LRRFIP2: variants seen among roughly 807,000 people sequenced by gnomAD.
LRRFIP2 encodes the protein LRR binding FLII interacting protein 2, also known as leucine-rich repeat flightless-interacting protein 2.
A neutral mutation model predicts 125.9 loss-of-function variants in LRRFIP2; 109 were observed. That is an observed-to-expected ratio of 0.87 (90% CI 0.74 to 1.01). The LOEUF is 1.01. Among genes scored for constraint, LRRFIP2 ranks in the 50% least tolerant of loss-of-function variants. The probability of loss-of-function intolerance (pLI) is 0.00; values close to 1 mark genes in which losing one functional copy is unlikely to be tolerated. For synonymous variants in LRRFIP2, 291 were observed against 293.1 expected (o/e 0.99, Z 0.07); for missense variants, 850 against 862.3 (o/e 0.99, Z 0.18).
At chr3:37,086,577 G>T (rs2093063082) in intron 18 of LRRFIP2, among the ~76,000 whole-genome samples, 1 of 152,110 alleles carries the variant, frequency 6.6e-6, no homozygotes, top group South Asian at 2.1e-4. Context: ...TGACATGGGT[G>T]AATATTGAAT....
intron 4 of LRRFIP2, among the ~76,000 whole-genome samples, chr3:37,127,164 G>A (rs2095305444): frequency 6.6e-6 from 1 of 152,150 alleles, no homozygotes; most frequent in Non-Finnish European, 1.5e-5. Context: ...ACATTTTACT[G>A]ATTCACAATT....
rs59327360 is a variant in LRRFIP2 at position 37,151,191 on chromosome 3, T to C, written c.-55-2153A>G. Among the ~76,000 whole-genome samples the C allele has an allele frequency of 2.9e-4, 44 of 152,200 alleles. No individual in the cohort carries two copies. In the East Asian group the frequency reaches 8.3e-3, roughly 29 times the overall value. On this transcript the variant is annotated intron_variant, in intron 1 of 27. Coordinates refer to ENST00000336686, the MANE Select transcript of LRRFIP2 (RefSeq NM_006309.4). ...CTGGCCAACATGGCGAAACCCCATC[T>C]CTACTAAAAATACAAAAATTAGCTG...
At chr3:37,151,834 G>A (rs944124232) in intron 1 of LRRFIP2, among the ~76,000 whole-genome samples, 1 of 152,108 alleles carries the variant, frequency 6.6e-6, no homozygotes, top group East Asian at 1.9e-4. Flanking sequence ...CTGACCTCAG[G>A]AGGCGGGTGA....
At chr3:37,160,598 G>T (rs984487086) in intron 1 of LRRFIP2, among the ~76,000 whole-genome samples, 20 of 152,072 alleles carry the variant, frequency 1.3e-4, no homozygotes, top group African/African-American at 4.8e-4. Flanking sequence ...TGACCAACAT[G>T]GTGAAACCCT....
At chr3:37,172,344 G>C (rs75746256) in intron 1 of LRRFIP2, among the ~76,000 whole-genome samples, 18 of 152,186 alleles carry the variant, frequency 1.2e-4, no homozygotes, top group African/African-American at 4.3e-4. Flanking sequence ...CAAGGCATGC[G>C]GTCTTTTTTA....
intron 2 of LRRFIP2, chr3:37,143,656 C>T (rs994307678): frequency 5.7e-5 from 10 of 176,378 alleles, no homozygotes; most frequent in African/African-American, 2.2e-4. Flanking sequence ...TTAATGATCT[C>T]GTGGGAGCCC....
chr3:37,113,557 C>A (rs2094637681), intron 7 of LRRFIP2, among the ~76,000 whole-genome samples: 1 of 152,178 alleles, frequency 6.6e-6, no homozygotes, highest in African/African-American at 2.4e-5. Flanking sequence ...CTGCCTCAAC[C>A]TCCTGAAATG....
intron 4 of LRRFIP2, 63 bp downstream of exon 4, chr3:37,127,567 A>C (rs906998717): frequency 2.0e-6 from 3 of 1,516,290 alleles, no homozygotes; most frequent in Admixed American, 1.7e-5. Context: ...TTAATGTTTT[A>C]CTTCAAGACT....
chr3:37,109,022 C>T (rs941985698), intron 11 of LRRFIP2, among the ~76,000 whole-genome samples: 1 of 152,134 alleles, frequency 6.6e-6, no homozygotes, highest in Non-Finnish European at 1.5e-5. Context: ...TTGCCTACTA[C>T]TACAATAAAA....
chr3:37,130,704 G>T (rs896605333), intron 2 of LRRFIP2, among the ~76,000 whole-genome samples: 9 of 152,140 alleles, frequency 5.9e-5, no homozygotes, highest in Non-Finnish European at 1.2e-4. Context: ...CTACCCATTT[G>T]TTAGCTGTCT....
intron 21 of LRRFIP2, among the ~76,000 whole-genome samples, chr3:37,071,795 G>GGCTA: frequency 6.6e-6 from 1 of 152,238 alleles, no homozygotes; most frequent in East Asian, 1.9e-4. Context: ...TGGCAACTAT[G>GGCTA]GCTAAGTGGT....
At chr3:37,109,845 A>G in intron 9 of LRRFIP2, 142 bp from the exon 10 acceptor site, 1 of 668,390 alleles carries the variant, frequency 1.5e-6, no homozygotes, top group Non-Finnish European at 2.6e-6. Flanking sequence ...GGTAGTTAAG[A>G]AACACAAGAA....
chr3:37,141,985 C>T (rs1201752845), intron 2 of LRRFIP2, among the ~76,000 whole-genome samples: 11 of 152,124 alleles, frequency 7.2e-5, no homozygotes, highest in Admixed American at 5.9e-4. Flanking sequence ...TCATCCAGAT[C>T]TAGTTTCAAA....
At chr3:37,096,732 A>G (rs2093738938) in intron 15 of LRRFIP2, 72 bp from the exon 16 acceptor site, 11 of 786,372 alleles carry the variant, frequency 1.4e-5, no homozygotes, top group Middle Eastern at 5.9e-4. Context: ...GAAAAAAGTG[A>G]TCTTGAGTTT....
chr3:37,140,109 C>T (rs750661066), intron 2 of LRRFIP2, among the ~76,000 whole-genome samples: 3 of 152,198 alleles, frequency 2.0e-5, no homozygotes, highest in Non-Finnish European at 4.4e-5. Context: ...TGGTTTTCCT[C>T]TTTATTCTCT....
At chr3:37,056,933 T>C (rs2087059633) in intron 25 of LRRFIP2, among the ~76,000 whole-genome samples, 2 of 152,140 alleles carry the variant, frequency 1.3e-5, no homozygotes, top group South Asian at 4.1e-4. Flanking sequence ...ACCTTTCCCT[T>C]CCTGTTTTCA....
At chr3:37,161,179 TAAAAAAA>T (rs60688555) in intron 1 of LRRFIP2, among the ~76,000 whole-genome samples, 1 of 88,142 alleles carries the variant, frequency 1.1e-5, no homozygotes, top group Non-Finnish European at 2.2e-5. Context: ...CCCCATCTAC[TAAAAAAA>T]AAAAAAAAAA....
chr3:37,126,028 G>GT (rs745967293), intron 4 of LRRFIP2, among the ~76,000 whole-genome samples: 1 of 151,110 alleles, frequency 6.6e-6, no homozygotes, highest in Admixed American at 6.6e-5. Context: ...TGTTGTTGTT[G>GT]TTGTTTGTTT....
At chr3:37,151,298 G>A (rs1375837407) in intron 1 of LRRFIP2, among the ~76,000 whole-genome samples, 4 of 151,864 alleles carry the variant, frequency 2.6e-5, no homozygotes, top group Admixed American at 6.6e-5. Flanking sequence ...GGTGGAGATT[G>A]CAGTGAACCG....
Sources: gnomAD v4.1 joint callset for allele counts (sites outside exome capture counted in the v4.1 genomes callset) on GRCh38, gnomAD v4.1.1 for gene constraint, MANE v1.5 for transcripts, NCBI Gene and HGNC (gene_info 2026-07-23, HGNC 2026-07-21) for gene names.